The following LMNB1 variants were observed in gnomAD, a reference collection of about 807,000 sequenced individuals.
LMNB1 encodes the protein lamin-B1.
LMNB1 carries 23 observed loss-of-function variants against 67.1 expected under a neutral mutation model. The ratio of observed to expected loss-of-function variants is 0.34; its 90% CI spans 0.25 to 0.49. The LOEUF is 0.49. LMNB1 is among the 20% of genes least tolerant of loss of function. The pLI, the probability that LMNB1 is intolerant of heterozygous loss-of-function variation, is 0.99. For synonymous variants in LMNB1, 281 were observed against 282.9 expected, an observed-to-expected ratio of 0.99 and a Z score of 0.07; for missense variants, 634 against 746.5, an observed-to-expected ratio of 0.85 and a Z score of 1.76.
chr5:126,814,302 A>G (rs1429711704), intron 5 of LMNB1, among the ~76,000 whole-genome samples: 1 of 152,242 alleles, frequency 6.6e-6, no homozygotes, highest in East Asian at 1.9e-4. Flanking sequence ...GTTGTCTACT[A>G]GTTACTGTCT....
intron 10 of LMNB1, among the ~76,000 whole-genome samples, chr5:126,834,330 C>G (rs1403156280): frequency 1.3e-5 from 2 of 152,118 alleles, no homozygotes; most frequent in East Asian, 1.9e-4. Flanking sequence ...CTCAGTCTCC[C>G]AAGTAGCTGG....
Position 126,832,758 on chromosome 5 carries a change from A to C in LMNB1, c.1676A>C (p.Glu559Ala), listed in dbSNP as rs145058054. Residue 559 changes from glutamate (E) to alanine (A), a missense_variant, in exon 10 of 11, where the codon GAA becomes GCA. Glu to Ala is a moderately radical substitution (Grantham distance 107). Transcript: ENST00000261366. Reference sequence around the variant, plus strand: ...CCTGAAGAAGAGGAGGAGGAGGAAGAAGCAGCTGGAGTGGTTGTTGAGGAA... The same window carrying C: ...CCTGAAGAAGAGGAGGAGGAGGAAGCAGCAGCTGGAGTGGTTGTTGAGGAA... ...TIPEEEEEEE[E>A]AAGVVVEEEL... 113 of 1,612,928 alleles carry C rather than the reference A, an allele frequency of 7.0e-5. No individual in the cohort carries two copies. The highest frequency in any genetic ancestry group is 8.1e-5 in the Non-Finnish European group (95 of 1,179,372).
chr5:126,817,235 T>C, intron 5 of LMNB1, among the ~76,000 whole-genome samples: 1 of 152,210 alleles, frequency 6.6e-6, no homozygotes, highest in East Asian at 1.9e-4. Context: ...GTCCCATTGT[T>C]TTTTGAGCAC....
chr5:126,828,053 A>G (rs558215925), intron 9 of LMNB1, among the ~76,000 whole-genome samples: 2 of 152,340 alleles, frequency 1.3e-5, no homozygotes, highest in East Asian at 3.9e-4. Context: ...TTAAAAAAAA[A>G]TCAGACATGG....
In LMNB1 at chr5:126,795,933, C is replaced by CTTTTTTT. The variant is rs70997314; in HGVS notation, c.360-8833_360-8827dup. Among the ~76,000 whole-genome samples, 774 of 82,056 alleles carry CTTTTTTT rather than the reference C, an allele frequency of 9.4e-3. 78 individuals carry two copies. The highest frequency in any genetic ancestry group is 0.026 in the African/African-American group (576 of 22,146). 53.8% of individuals were successfully genotyped at this position (82,056 alleles called of 152,430 possible). The stretch of plus-strand genomic sequence containing the variant: ...GAGCCACTGCGCCTGGCCCAGGATG[C>CTTTTTTT]TTTTTTTTTTTTTTTTGAGACGGAG... On this transcript the variant is annotated intron_variant, in intron 1 of 10. Transcript: ENST00000261366.
intron 2 of LMNB1, 67 bp downstream of exon 2, chr5:126,804,999 TTTGA>T (rs897353832): frequency 2.8e-5 from 35 of 1,257,282 alleles, no homozygotes; most frequent in African/African-American, 7.7e-5. Context: ...TAAGCCATAG[TTTGA>T]TTGATTGATT....
intron 1 of LMNB1, among the ~76,000 whole-genome samples, chr5:126,797,448 G>T (rs1173040514): frequency 6.6e-6 from 1 of 152,090 alleles, no homozygotes; most frequent in Non-Finnish European, 1.5e-5. Context: ...GTCAGGAAAT[G>T]GACTCAAAGT....
chr5:126,812,349 A>G lies in LMNB1; in HGVS notation c.939+451A>G, dbSNP rs183995918. Among the ~76,000 whole-genome samples, 31 of 152,380 alleles carry G rather than the reference A, an allele frequency of 2.0e-4. No individual in the cohort carries two copies. In the East Asian group the frequency reaches 3.5e-3, roughly 17 times the overall value. ...ACAAATTCTTTAGTGCTTAAAGTAT[A>G]TAACAATTAGGATCCAGGAAAGTAG... On this transcript the variant is annotated intron_variant, in intron 5 of 10. Coordinates refer to ENST00000261366, the MANE Select transcript of LMNB1 (RefSeq NM_005573.4).
intron 3 of LMNB1, among the ~76,000 whole-genome samples, chr5:126,806,942 T>A (rs1751454071): frequency 6.6e-6 from 1 of 152,140 alleles, no homozygotes; most frequent in Admixed American, 6.6e-5. Flanking sequence ...CACGCCCTGC[T>A]AATTTTTTGT....
intron 3 of LMNB1, among the ~76,000 whole-genome samples, chr5:126,805,978 C>T (rs180837625): frequency 3.9e-5 from 6 of 152,180 alleles, no homozygotes; most frequent in Middle Eastern, 3.4e-3. Context: ...TTTTTTGAGA[C>T]GGAGTCTTGC....
intron 3 of LMNB1, among the ~76,000 whole-genome samples, chr5:126,809,713 T>C (rs1402975633): frequency 6.9e-6 from 1 of 145,528 alleles, no homozygotes; most frequent in Non-Finnish European, 1.5e-5. Flanking sequence ...GAAAAGAAAA[T>C]AGTTTCATTT....
chr5:126,786,384 G>A (rs994589331), intron 1 of LMNB1, among the ~76,000 whole-genome samples: 1 of 152,114 alleles, frequency 6.6e-6, no homozygotes, highest in Non-Finnish European at 1.5e-5. Flanking sequence ...GCCTCCCAGA[G>A]TGCTGGGATT....
At chr5:126,785,541 G>A (rs1262595506) in intron 1 of LMNB1, among the ~76,000 whole-genome samples, 1 of 123,164 alleles carries the variant, frequency 8.1e-6, no homozygotes, top group Admixed American at 8.8e-5. Context: ...GGCTTGTCTT[G>A]AACTCCTGAG....
intron 6 of LMNB1, 76 bp downstream of exon 6, chr5:126,819,218 T>A (rs1308262791): frequency 1.0e-6 from 1 of 957,918 alleles, no homozygotes; most frequent in African/African-American, 1.7e-5. Flanking sequence ...TAAAAATAAA[T>A]AGCATTTTAA....
At chr5:126,806,902 C>G (rs1350034135) in intron 3 of LMNB1, among the ~76,000 whole-genome samples, 3 of 152,108 alleles carry the variant, frequency 2.0e-5, no homozygotes, top group African/African-American at 7.2e-5. Flanking sequence ...CTTAGCCCCC[C>G]TAGTAGCTGG....
intron 10 of LMNB1, among the ~76,000 whole-genome samples, chr5:126,834,259 G>T (rs755260068): frequency 7.9e-5 from 12 of 151,446 alleles, no homozygotes; most frequent in Non-Finnish European, 1.8e-4. Flanking sequence ...AGGCTGGAGC[G>T]CAGTGGCGCA....
intron 1 of LMNB1, among the ~76,000 whole-genome samples, chr5:126,785,160 T>TA (rs1554112536): frequency 2.7e-5 from 4 of 146,760 alleles, no homozygotes; most frequent in African/African-American, 1.0e-4. Context: ...TTTTTTTTTT[T>TA]AATTTCTAGT....
At chr5:126,831,496 T>C (rs1488485735) in intron 9 of LMNB1, among the ~76,000 whole-genome samples, 2 of 152,268 alleles carry the variant, frequency 1.3e-5, no homozygotes, top group Non-Finnish European at 2.9e-5. Flanking sequence ...CTGTACAGAA[T>C]ACATTGGAAC....
chr5:126,821,343 C>G (rs1751864640), intron 7 of LMNB1, among the ~76,000 whole-genome samples: 1 of 152,128 alleles, frequency 6.6e-6, no homozygotes, highest in African/African-American at 2.4e-5. Context: ...TAAAGATTTG[C>G]TTCATTAACC....
Sources: allele counts gnomAD v4.1 joint callset (sites outside exome capture counted in the v4.1 genomes callset), GRCh38; gene constraint gnomAD v4.1.1; transcripts MANE v1.5; gene names NCBI Gene and HGNC (gene_info 2026-07-23, HGNC 2026-07-21).